JAKMIP2: variants seen among roughly 807,000 people sequenced by gnomAD.
JAKMIP2 encodes janus kinase and microtubule-interacting protein 2.
Under a neutral mutation model 115.0 loss-of-function variants are expected in JAKMIP2, and 25 were observed. The ratio of observed to expected loss-of-function variants is 0.22; its 90% CI spans 0.16 to 0.30. The LOEUF is 0.30. Among genes scored for constraint, JAKMIP2 ranks in the 10% least tolerant of loss-of-function variants. The pLI, the probability that JAKMIP2 is intolerant of heterozygous loss-of-function variation, is 1.00. For missense variants in JAKMIP2, 642 were observed against 957.6 expected, an observed-to-expected ratio of 0.67 and a Z score of 4.35; for synonymous variants, 334 against 343.6, an observed-to-expected ratio of 0.97 and a Z score of 0.31.
chr5:147,757,079 T>C (rs749222651), intron 1 of JAKMIP2, among the ~76,000 whole-genome samples: 11 of 152,126 alleles, frequency 7.2e-5, no homozygotes, highest in Non-Finnish European at 1.2e-4. Flanking sequence ...AATGTATGCA[T>C]GCATGGAGGC....
intron 1 of JAKMIP2, among the ~76,000 whole-genome samples, chr5:147,689,628 T>C (rs1432928879): frequency 1.3e-5 from 2 of 152,206 alleles, no homozygotes; most frequent in African/African-American, 4.8e-5. Context: ...TATTAAACAG[T>C]ACACGTTACT....
chr5:147,721,437 C>A (rs4312870), intron 1 of JAKMIP2, among the ~76,000 whole-genome samples: 20,001 of 152,042 alleles, frequency 0.13, 1,912 homozygotes, highest in East Asian at 0.36. Context: ...GGCGGGCGCC[C>A]CTCCCCCAGC....
intron 21 of JAKMIP2, among the ~76,000 whole-genome samples, chr5:147,592,996 G>A (rs944564802): frequency 6.6e-6 from 1 of 152,154 alleles, no homozygotes; most frequent in African/African-American, 2.4e-5. Context: ...TCACACTGAG[G>A]GAATGAGGAG....
At chr5:147,636,540 G>A (rs1256276256) in intron 11 of JAKMIP2, 4 of 579,332 alleles carry the variant, frequency 6.9e-6, no homozygotes, top group African/African-American at 3.7e-5. Flanking sequence ...CAGCCTTCTG[G>A]GGACTCAGAA....
At chr5:147,714,916 T>C (rs2126921153) in intron 1 of JAKMIP2, among the ~76,000 whole-genome samples, 1 of 152,040 alleles carries the variant, frequency 6.6e-6, no homozygotes, top group South Asian at 2.1e-4. Context: ...AAAAGGGAAA[T>C]GATACAGAAA....
At chr5:147,725,126 G>A (rs1274905085) in intron 1 of JAKMIP2, among the ~76,000 whole-genome samples, 2 of 151,994 alleles carry the variant, frequency 1.3e-5, no homozygotes, top group African/African-American at 2.4e-5. Flanking sequence ...AATGTATTAG[G>A]ATGCTAAGGG....
intron 1 of JAKMIP2, among the ~76,000 whole-genome samples, chr5:147,773,269 C>T (rs1172884470): frequency 6.6e-6 from 1 of 152,082 alleles, no homozygotes; most frequent in Non-Finnish European, 1.5e-5. Context: ...TCATCGGCTA[C>T]TCTCTGTCAT....
intron 16 of JAKMIP2, among the ~76,000 whole-genome samples, chr5:147,626,845 C>A (rs930938421): frequency 6.6e-6 from 1 of 152,122 alleles, no homozygotes; most frequent in Non-Finnish European, 1.5e-5. Context: ...TAAACCCAGG[C>A]GATTTTTTCT....
At chr5:147,771,055 T>A (rs943083844) in intron 1 of JAKMIP2, among the ~76,000 whole-genome samples, 2 of 152,180 alleles carry the variant, frequency 1.3e-5, no homozygotes, top group Non-Finnish European at 2.9e-5. Flanking sequence ...CTGTCCTTTT[T>A]AGCAAGAATT....
At chr5:147,681,579 AT>A (rs2126833523) in intron 1 of JAKMIP2, among the ~76,000 whole-genome samples, 1 of 152,314 alleles carries the variant, frequency 6.6e-6, no homozygotes, top group African/African-American at 2.4e-5. Context: ...TAAAATACAA[AT>A]ATTCATGAAG....
intron 20 of JAKMIP2, among the ~76,000 whole-genome samples, chr5:147,608,124 G>T (rs888634592): frequency 6.6e-6 from 1 of 152,074 alleles, no homozygotes; most frequent in African/African-American, 2.4e-5. Flanking sequence ...CAAAAAACCA[G>T]CTCCTGGATT....
intron 1 of JAKMIP2, among the ~76,000 whole-genome samples, chr5:147,781,103 C>G (rs1755740567): frequency 6.6e-6 from 1 of 152,150 alleles, no homozygotes; most frequent in Admixed American, 6.5e-5. Flanking sequence ...CAATAGACCC[C>G]CATTTCAGCT....
chr5:147,693,656 T>TA (rs145331000), intron 1 of JAKMIP2, among the ~76,000 whole-genome samples: 6,520 of 149,472 alleles, frequency 0.044, 179 homozygotes, highest in Middle Eastern at 0.11. Flanking sequence ...AATGTTACAA[T>TA]AAAAAAAAAA....
At chr5:147,747,250 G>T (rs1173807550) in intron 1 of JAKMIP2, among the ~76,000 whole-genome samples, 2 of 152,148 alleles carry the variant, frequency 1.3e-5, no homozygotes, top group East Asian at 3.9e-4. Context: ...CCACAGAAAT[G>T]ATCTGCTCTT....
chr5:147,670,191 G>T (rs896172629), intron 2 of JAKMIP2, among the ~76,000 whole-genome samples: 7 of 152,180 alleles, frequency 4.6e-5, no homozygotes, highest in Non-Finnish European at 1.0e-4. Context: ...CTAAGGCAGG[G>T]AGCAAGAGGC....
In JAKMIP2 at chr5:147,588,268, G is replaced by A. The variant is rs1356314973; in HGVS notation, c.*3439C>T. Reference sequence around the variant, plus strand: ...GTAGTCAGTTATGTTTATTTTCCAGGGTATGAATATTTTATTGAGAAAAAT... The same window carrying A: ...GTAGTCAGTTATGTTTATTTTCCAGAGTATGAATATTTTATTGAGAAAAAT... On this transcript the variant is annotated 3_prime_UTR_variant, in exon 22 of 22. Transcript: ENST00000616793. 6.6e-6 allele frequency: 1 copy of A among 151,448 alleles called. No homozygotes were observed. Among genetic ancestry groups the A allele is most frequent in the Non-Finnish European group, 1.5e-5 (1 of 67,914 alleles). 9.4% of individuals were successfully genotyped at this position (151,448 alleles called of 1,614,324 possible).
intron 1 of JAKMIP2, among the ~76,000 whole-genome samples, chr5:147,747,328 A>G (rs1754382943): frequency 6.6e-6 from 1 of 152,178 alleles, no homozygotes; most frequent in Admixed American, 6.5e-5. Context: ...AAAAATGCTT[A>G]AAACGTCACT....
intron 1 of JAKMIP2, among the ~76,000 whole-genome samples, chr5:147,686,597 C>T (rs1760584784): frequency 1.3e-5 from 2 of 152,058 alleles, no homozygotes; most frequent in Non-Finnish European, 2.9e-5. Context: ...TGAAGGGGTA[C>T]CTGAATGGAG....
intron 19 of JAKMIP2, 37 bp from the exon 20 acceptor site, chr5:147,612,408 G>C: frequency 7.8e-7 from 1 of 1,277,382 alleles, no homozygotes; most frequent in Non-Finnish European, 1.1e-6. Flanking sequence ...AGCATCAGTA[G>C]GTGGTAAGTT....
Sources: gnomAD v4.1 joint callset for allele counts (sites outside exome capture counted in the v4.1 genomes callset) on GRCh38, gnomAD v4.1.1 for gene constraint, MANE v1.5 for transcripts, NCBI Gene and HGNC (gene_info 2026-07-23, HGNC 2026-07-21) for gene names.